The following GATA4 variants were observed in gnomAD, a reference collection of about 807,000 sequenced individuals.
The protein encoded by GATA4 is GATA binding protein 4, also known as transcription factor GATA-4.
Under a neutral mutation model 37.9 loss-of-function variants are expected in GATA4, and 7 were observed. That is an observed-to-expected ratio of 0.18 (90% CI 0.11 to 0.35). The LOEUF (loss-of-function observed/expected upper bound fraction) is 0.35, where lower values mean the gene tolerates loss of function less well. Among genes scored for constraint, GATA4 ranks in the 10% least tolerant of loss-of-function variants. The probability of loss-of-function intolerance (pLI) is 1.00; values close to 1 mark genes in which losing one functional copy is unlikely to be tolerated. For synonymous variants in GATA4, 372 were observed against 292.6 expected, an observed-to-expected ratio of 1.27 and a Z score of -2.77; for missense variants, 647 against 653.0, an observed-to-expected ratio of 0.99 and a Z score of 0.10.
At chr8:11,751,386 A>G (rs934376550) in intron 4 of GATA4, among the ~76,000 whole-genome samples, 2 of 152,158 alleles carry the variant, frequency 1.3e-5, no homozygotes, top group Admixed American at 1.3e-4. Flanking sequence ...CTCTGGTAGG[A>G]TATGTAGAGA....
chr8:11,707,736 C>A lies in GATA4; in HGVS notation c.-457-120C>A, dbSNP rs1300637014. 1 of 158,546 alleles carries A rather than the reference C, an allele frequency of 6.3e-6. No individual in the cohort carries two copies. The highest frequency in any genetic ancestry group is 1.4e-5 in the Non-Finnish European group (1 of 72,314). 9.8% of individuals were successfully genotyped at this position (158,546 alleles called of 1,614,324 possible). A position where few individuals can be genotyped will look rare whatever the true frequency, so the allele number is the denominator to read the frequency against. ...GCACCGCGCGGCCTCCGGAGCTGCA[C>A]CCCCAAATCCCCGTGGCGACTTCAT... On this transcript the variant is annotated intron_variant, in intron 1 of 6. Transcript: ENST00000532059. The surrounding 1 kb of genome is among the most constrained non-coding windows in gnomAD (Gnocchi z 4.7).
intron 6 of GATA4, among the ~76,000 whole-genome samples, chr8:11,757,293 C>G (rs1802639339): frequency 6.6e-6 from 1 of 152,236 alleles, no homozygotes; most frequent in South Asian, 2.1e-4. Context: ...GGCTGTATTT[C>G]AGGACATCTT....
At chr8:11,754,997 A>T (rs1225069059) in intron 4 of GATA4, 49 bp from the exon 5 acceptor site, 1 of 1,421,232 alleles carries the variant, frequency 7.0e-7, no homozygotes, top group African/African-American at 1.4e-5. Flanking sequence ...ATGCTGTAGC[A>T]GACTACGCAG....
rs1256744339 is a variant in GATA4, at chr8:11,741,775, A to G, written c.617-7141A>G. ...GAAGCATTGAGACAGAGATGTTGGG[A>G]AGTTTCTGAGATCAGACAAGATGGG... On this transcript the variant is annotated intron_variant, in intron 2 of 6. Coordinates refer to ENST00000532059, the MANE Select transcript of GATA4 (RefSeq NM_001308093.3). Among the ~76,000 whole-genome samples, 7 of 152,182 alleles carry G rather than the reference A, an allele frequency of 4.6e-5. 1 individual carries two copies. The South Asian group carries it at 1.2e-3, about 27-fold the overall frequency.
At chr8:11,732,725 C>T (rs1563215877) in intron 2 of GATA4, among the ~76,000 whole-genome samples, 2 of 152,162 alleles carry the variant, frequency 1.3e-5, no homozygotes, top group Non-Finnish European at 2.9e-5. Flanking sequence ...CGAAGGCTAG[C>T]AGAGTAAAGG....
intron 2 of GATA4, among the ~76,000 whole-genome samples, chr8:11,710,805 A>G (rs949290395): frequency 6.6e-6 from 1 of 152,000 alleles, no homozygotes; most frequent in African/African-American, 2.4e-5. Flanking sequence ...GTTAAAAGTC[A>G]TGAGTTACAT....
Position 11,680,677 on chromosome 8 carries a change from G to A in GATA4, c.-274+3614G>A, listed in dbSNP as rs187983359. The stretch of plus-strand genomic sequence containing the variant: ...GTCTCGGGTCGCCCTTTGCGTCAGA[G>A]ACCCCCCCCTTGGGGAGACCGGAAT... On this transcript the variant is annotated intron_variant, in intron 1 of 6. Transcript: ENST00000528712. 575 of 985,086 alleles carry A rather than the reference G, an allele frequency of 5.8e-4. 3 individuals are homozygous for A. In the African/African-American group the frequency reaches 9.4e-3, roughly 16 times the overall value. The allele number at this position is 985,086 out of a possible 1,614,324, so 61.0% of individuals were successfully genotyped here. A position where few individuals can be genotyped will look rare whatever the true frequency, so the allele number is the denominator to read the frequency against.
At chr8:11,719,571 C>G (rs1288871230) in intron 2 of GATA4, among the ~76,000 whole-genome samples, 1 of 152,096 alleles carries the variant, frequency 6.6e-6, no homozygotes, top group Non-Finnish European at 1.5e-5. Flanking sequence ...GGAAAACTCA[C>G]ATAAACCAAT....
intron 1 of GATA4, among the ~76,000 whole-genome samples, chr8:11,681,733 C>T (rs899726460): frequency 6.6e-6 from 1 of 152,060 alleles, no homozygotes; most frequent in East Asian, 1.9e-4. Context: ...CTTGCTTAAT[C>T]AAAATTCTCC....
intron 2 of GATA4, among the ~76,000 whole-genome samples, chr8:11,735,625 C>T (rs1801416346): frequency 1.3e-5 from 2 of 152,222 alleles, no homozygotes; most frequent in South Asian, 4.1e-4. Context: ...TGCAATGGTG[C>T]AATCTCGGCT....
At chr8:11,748,866 A>G (rs778288509) in intron 2 of GATA4, 50 bp from the exon 3 acceptor site, 2 of 1,604,638 alleles carry the variant, frequency 1.2e-6, no homozygotes, top group Admixed American at 3.3e-5. Context: ...CTGGGCATAA[A>G]CAAAGAATTA....
chr8:11,721,106 G>T (rs929650954), intron 2 of GATA4, among the ~76,000 whole-genome samples: 1 of 151,796 alleles, frequency 6.6e-6, no homozygotes, highest in Non-Finnish European at 1.5e-5. Context: ...GGAACACGTG[G>T]ATGTGCACTC....
intron 1 of GATA4, among the ~76,000 whole-genome samples, chr8:11,693,548 CACACACACACACACAG>C (rs1345423905): frequency 1.7e-5 from 2 of 115,928 alleles, no homozygotes; most frequent in Non-Finnish European, 3.5e-5. Flanking sequence ...CACACACACA[CACACACACACACACAG>C]AGAGAGAGAG....
At chr8:11,680,798 C>G (rs915126145) in intron 1 of GATA4, 48 of 985,254 alleles carry the variant, frequency 4.9e-5, no homozygotes, top group Non-Finnish European at 5.4e-5. Context: ...GCCCCTCGCC[C>G]TGCTCACCCC....
At chr8:11,747,061 T>TC (rs2130298090) in intron 2 of GATA4, among the ~76,000 whole-genome samples, 1 of 152,348 alleles carries the variant, frequency 6.6e-6, no homozygotes, top group East Asian at 1.9e-4. Context: ...ACTCCCGAGC[T>TC]GGGTCCTGTT....
chr8:11,757,004 G>T lies in GATA4; in HGVS notation c.1070G>T (p.Ser357Ile), dbSNP rs1014543362. 67 of 1,614,126 alleles carry T rather than the reference G, an allele frequency of 4.2e-5. No individual in the cohort carries two copies. The highest frequency in any genetic ancestry group is 5.4e-5 in the Non-Finnish European group (64 of 1,180,054). Residue 357 changes from serine (S) to isoleucine (I), a missense_variant, in exon 6 of 7, where the codon AGC (serine) becomes ATC (isoleucine). Transcript: ENST00000532059. Reference protein sequence around the residue: ...ASSNSSNATTSSSEEMRPIKT... With the variant: ...ASSNSSNATTISSEEMRPIKT... ...AGCAACTCCAGCAACGCCACCACCA[G>T]CAGCAGCGAGGAGATGCGTCCCATC... is the stretch of plus-strand genomic sequence containing the variant.
upstream of GATA4, among the ~76,000 whole-genome samples, chr8:11,689,006 C>T (rs990945581): frequency 2.0e-5 from 3 of 152,206 alleles, no homozygotes; most frequent in African/African-American, 7.2e-5. Flanking sequence ...ATTTTTATCA[C>T]TCCCAGTCTT....
chr8:11,744,381 C>T (rs541893032), intron 2 of GATA4, among the ~76,000 whole-genome samples: 9 of 152,342 alleles, frequency 5.9e-5, no homozygotes, highest in South Asian at 2.1e-4. Flanking sequence ...TTCCTCCAAA[C>T]GTGGGTGATG....
intron 2 of GATA4, among the ~76,000 whole-genome samples, chr8:11,717,352 T>G (rs1394019597): frequency 2.0e-5 from 3 of 152,200 alleles, no homozygotes; most frequent in Non-Finnish European, 4.4e-5. Flanking sequence ...TGCATGTCAT[T>G]CCATTGAACA....
Sources: allele counts gnomAD v4.1 joint callset (sites outside exome capture counted in the v4.1 genomes callset), GRCh38; gene constraint gnomAD v4.1.1; non-coding constraint Gnocchi (gnomAD v3.1); transcripts MANE v1.5; gene names NCBI Gene and HGNC (gene_info 2026-07-23, HGNC 2026-07-21).